DACH2: variants seen among roughly 807,000 people sequenced by gnomAD.
DACH2 encodes the protein dachshund homolog 2.
A neutral mutation model predicts 35.8 loss-of-function variants in DACH2; 17 were observed. The observed-to-expected ratio is 0.48, with a 90% confidence interval of 0.33 to 0.71. DACH2 has a LOEUF of 0.71. Among genes scored for constraint, DACH2 ranks in the 30% least tolerant of loss-of-function variants. The pLI is 0.02. For synonymous variants in DACH2, 195 were observed against 177.3 expected (o/e 1.10, Z -0.79); for missense variants, 469 against 472.7 (o/e 0.99, Z 0.07).
intron 2 of DACH2, among the ~76,000 whole-genome samples, chrX:86,459,762 T>C (rs766429750): frequency 9.0e-6 from 1 of 111,522 alleles, no homozygotes; most frequent in Admixed American, 9.7e-5. Context: ...CTGTTGCTAT[T>C]AAGTAGAGTG....
At chrX:86,305,094 C>G (rs2034656258) in intron 1 of DACH2, 1 of 145,261 alleles carries the variant, frequency 6.9e-6, no homozygotes, top group African/African-American at 3.2e-5. Context: ...GTTCTGAGCA[C>G]TGGGCACAGG....
chrX:86,320,885 G>A (rs186871030), intron 1 of DACH2, among the ~76,000 whole-genome samples: 3 of 112,186 alleles, frequency 2.7e-5, no homozygotes. Flanking sequence ...TTGAGCCTCA[G>A]ATTCCCAAGT....
intron 5 of DACH2, among the ~76,000 whole-genome samples, chrX:86,707,157 A>G (rs764650752): frequency 9.0e-6 from 1 of 110,977 alleles, no homozygotes; most frequent in South Asian, 3.8e-4. Flanking sequence ...AGAAGCCATC[A>G]CTATTTATCC....
intron 1 of DACH2, among the ~76,000 whole-genome samples, chrX:86,295,385 C>T (rs942645513): frequency 1.8e-5 from 2 of 112,056 alleles, no homozygotes; most frequent in East Asian, 2.8e-4. Context: ...TCTTCTGCGT[C>T]GCTCACGCTG....
chrX:86,292,720 A>G (rs1407190003), intron 1 of DACH2, among the ~76,000 whole-genome samples: 3 of 111,402 alleles, frequency 2.7e-5, no homozygotes, highest in Non-Finnish European at 5.6e-5. Flanking sequence ...TTCTGTTTCC[A>G]TGTAGTTGAG....
At chrX:86,270,023 T>TTATA (rs201548278) in intron 1 of DACH2, among the ~76,000 whole-genome samples, 15 of 97,745 alleles carry the variant, frequency 1.5e-4, no homozygotes, top group African/African-American at 4.6e-4. Context: ...TATATATATA[T>TTATA]TATATATATA....
chrX:86,172,405 T>C (rs1779225960), intron 1 of DACH2, among the ~76,000 whole-genome samples: 2 of 112,178 alleles, frequency 1.8e-5, no homozygotes, highest in Non-Finnish European at 3.8e-5. Context: ...GAAGTAATAG[T>C]ATCTCATGGT....
chrX:86,395,890 T>G (rs1192114792), intron 2 of DACH2, among the ~76,000 whole-genome samples: 1 of 111,750 alleles, frequency 8.9e-6, no homozygotes, highest in African/African-American at 3.3e-5. Flanking sequence ...TATAATCCTT[T>G]GGGTATATAC....
intron 1 of DACH2, among the ~76,000 whole-genome samples, chrX:86,270,999 G>A (rs930630393): frequency 1.8e-5 from 2 of 111,505 alleles, no homozygotes; most frequent in East Asian, 2.8e-4. Flanking sequence ...CTTCGTTGTC[G>A]ACTATGTGGC....
At chrX:86,746,739 C>T (rs2041716276) in intron 7 of DACH2, among the ~76,000 whole-genome samples, 1 of 110,803 alleles carries the variant, frequency 9.0e-6, no homozygotes, top group African/African-American at 3.3e-5. Flanking sequence ...TTACTGTTTT[C>T]GTAGTATCCT....
At chrX:86,566,591 G>A (rs1235945867) in intron 3 of DACH2, among the ~76,000 whole-genome samples, 1 of 111,289 alleles carries the variant, frequency 9.0e-6, no homozygotes, top group Non-Finnish European at 1.9e-5. Flanking sequence ...TGCTTATGTA[G>A]ATATATGTAA....
intron 3 of DACH2, among the ~76,000 whole-genome samples, chrX:86,597,283 T>C (rs1245773361): frequency 1.8e-5 from 2 of 111,978 alleles, no homozygotes; most frequent in Non-Finnish European, 3.8e-5. Flanking sequence ...CTTTCTGTCT[T>C]CATTTTTAGT....
chrX:86,743,187 G>A (rs959976595), intron 7 of DACH2, among the ~76,000 whole-genome samples: 2 of 111,302 alleles, frequency 1.8e-5, no homozygotes, highest in Non-Finnish European at 3.8e-5. Context: ...AGCTTAGCAA[G>A]TTAGCCCATC....
intron 2 of DACH2, among the ~76,000 whole-genome samples, chrX:86,437,455 C>T (rs2037086430): frequency 9.0e-6 from 1 of 111,643 alleles, no homozygotes; most frequent in African/African-American, 3.3e-5. Flanking sequence ...CTGAACCTTC[C>T]TAGCCTCTGG....
chrX:86,710,092 T>C (rs1315692140), intron 5 of DACH2, among the ~76,000 whole-genome samples: 3 of 112,215 alleles, frequency 2.7e-5, no homozygotes, highest in African/African-American at 9.7e-5. Context: ...TGTTCATAAT[T>C]ACTAAAAATT....
At chrX:86,575,769 C>T (rs2039428535) in intron 3 of DACH2, among the ~76,000 whole-genome samples, 1 of 111,533 alleles carries the variant, frequency 9.0e-6, no homozygotes, top group Non-Finnish European at 1.9e-5. Context: ...GGTTTCACAC[C>T]ATACAAGTAA....
intron 3 of DACH2, among the ~76,000 whole-genome samples, chrX:86,517,281 T>C (rs1406667147): frequency 8.9e-6 from 1 of 111,950 alleles, no homozygotes; most frequent in East Asian, 2.8e-4. Flanking sequence ...GGTTTTGATT[T>C]ACCACAAATC....
chrX:86,613,261 G>A (rs1399733010), intron 3 of DACH2, among the ~76,000 whole-genome samples: 1 of 110,867 alleles, frequency 9.0e-6, no homozygotes, highest in African/African-American at 3.3e-5. Flanking sequence ...GTGTCTCTTA[G>A]ATGGAAGGTC....
At chrX:86,664,668 T>A (rs1410792041) in intron 4 of DACH2, among the ~76,000 whole-genome samples, 5 of 112,153 alleles carry the variant, frequency 4.5e-5, no homozygotes, top group African/African-American at 1.6e-4. Context: ...CACTGACATG[T>A]TAAAAGAAAA....
Sources: gnomAD v4.1 joint callset for allele counts (sites outside exome capture counted in the v4.1 genomes callset) on GRCh38, gnomAD v4.1.1 for gene constraint, MANE v1.5 for transcripts, NCBI Gene and HGNC (gene_info 2026-07-23, HGNC 2026-07-21) for gene names.